The following NFIB variants were observed in gnomAD, a reference collection of about 807,000 sequenced individuals.
NFIB encodes nuclear factor 1 B-type.
Under a neutral mutation model 61.5 loss-of-function variants are expected in NFIB, and 11 were observed. The observed-to-expected ratio is 0.18, with a 90% CI of 0.11 to 0.30. NFIB has a LOEUF of 0.30. NFIB is among the 10% of genes least tolerant of loss of function. The pLI is 1.00. For missense variants in NFIB, 471 were observed against 608.9 expected (o/e 0.77, Z 2.38); for synonymous variants, 260 against 216.5 (o/e 1.20, Z -1.76).
intron 4 of NFIB, among the ~76,000 whole-genome samples, chr9:14,155,146 A>G (rs2043259364): frequency 6.6e-6 from 1 of 152,156 alleles, no homozygotes; most frequent in Non-Finnish European, 1.5e-5. Context: ...ATTAGTACAT[A>G]TAGATCTGCA....
chr9:14,506,231 G>C, the NFIB span, among the ~76,000 whole-genome samples: 2 of 152,054 alleles, frequency 1.3e-5, no homozygotes, highest in African/African-American at 4.8e-5. Context: ...TCTTAATTTT[G>C]GTTTATGCTG....
intron 2 of NFIB, among the ~76,000 whole-genome samples, chr9:14,194,564 A>C (rs1275526970): frequency 1.3e-5 from 2 of 152,230 alleles, no homozygotes; most frequent in African/African-American, 4.8e-5. Context: ...CAAAAAAGAA[A>C]AAAGACAATA....
the NFIB span, among the ~76,000 whole-genome samples, chr9:14,422,362 A>G: frequency 6.6e-6 from 1 of 152,108 alleles, no homozygotes; most frequent in Non-Finnish European, 1.5e-5. Flanking sequence ...AAAGGCCTGA[A>G]TGTCCCTGGA....
At chr9:14,356,448 G>A (rs1313826207) in intron 1 of NFIB, among the ~76,000 whole-genome samples, 4 of 152,282 alleles carry the variant, frequency 2.6e-5, no homozygotes, top group South Asian at 4.2e-4. Flanking sequence ...GTTTAGCCCT[G>A]CATGTGGCTG....
At chr9:14,235,980 A>G (rs2053696330) in intron 2 of NFIB, among the ~76,000 whole-genome samples, 1 of 152,228 alleles carries the variant, frequency 6.6e-6, no homozygotes, top group Non-Finnish European at 1.5e-5. Context: ...ATTTCCTAAA[A>G]GCAGATTTTG....
intron 3 of NFIB, among the ~76,000 whole-genome samples, chr9:14,175,931 ATTC>A (rs2046138818): frequency 6.6e-6 from 1 of 152,182 alleles, no homozygotes. Flanking sequence ...AAAAATCTGA[ATTC>A]TAGATTGCTA....
the NFIB span, among the ~76,000 whole-genome samples, chr9:14,471,316 C>A: frequency 4.6e-5 from 7 of 152,162 alleles, no homozygotes; most frequent in Non-Finnish European, 5.9e-5. Flanking sequence ...TTGCCTCCCC[C>A]CTGAGGTCAG....
rs367726231 is a variant in NFIB, at chr9:14,313,449, G to A, written c.30+33C>T. On this transcript the variant is annotated intron_variant, in intron 1 of 10. Transcript: ENST00000380953. This position sits in a 1 kb window ranked among gnomAD's most constrained non-coding sequence, Gnocchi z 4.5. The stretch of plus-strand genomic sequence containing the variant: ...CAAAACAAAGGCATTTCGGGCCAGA[G>A]AGAAAGCTCGAGAAAGCGACCGAGA... 6.6e-4 allele frequency: 1,064 copies of A among 1,613,686 alleles called. 2 individuals carry two copies. Among genetic ancestry groups the A allele is most frequent in the Admixed American group, 9.5e-4 (57 of 59,966 alleles).
chr9:14,413,646 G>C, the NFIB span, among the ~76,000 whole-genome samples: 1 of 152,036 alleles, frequency 6.6e-6, no homozygotes, highest in Non-Finnish European at 1.5e-5. Flanking sequence ...ATAGAATTTG[G>C]GAATGCTTGA....
chr9:14,107,253 G>C (rs1038003975), intron 10 of NFIB, among the ~76,000 whole-genome samples: 1 of 151,180 alleles, frequency 6.6e-6, no homozygotes. Flanking sequence ...TGAAGGAATG[G>C]TATGAACAAG....
chr9:14,168,918 T>C (rs1192941338), intron 3 of NFIB, among the ~76,000 whole-genome samples: 5 of 152,206 alleles, frequency 3.3e-5, no homozygotes, highest in African/African-American at 1.2e-4. Flanking sequence ...ATCAACATTA[T>C]ATAAGGTAAC....
chr9:14,226,938 G>A (rs10120632), intron 2 of NFIB, among the ~76,000 whole-genome samples: 7 of 151,822 alleles, frequency 4.6e-5, no homozygotes, highest in Non-Finnish European at 7.4e-5. Context: ...TCAGGAGTTC[G>A]TGACCAGCCT....
chr9:14,227,790 G>A (rs918778809), intron 2 of NFIB, among the ~76,000 whole-genome samples: 1 of 152,128 alleles, frequency 6.6e-6, no homozygotes, highest in Non-Finnish European at 1.5e-5. Flanking sequence ...AGGCCTCAAT[G>A]GGTTTAATAA....
intron 1 of NFIB, among the ~76,000 whole-genome samples, chr9:14,398,189 T>A (rs1244114185): frequency 6.6e-6 from 1 of 152,146 alleles, no homozygotes; most frequent in Non-Finnish European, 1.5e-5. Context: ...TTCTCAGTTT[T>A]CAGTTTAATT....
At chr9:14,208,442 T>C (rs2049976405) in intron 2 of NFIB, among the ~76,000 whole-genome samples, 1 of 152,218 alleles carries the variant, frequency 6.6e-6, no homozygotes, top group South Asian at 2.1e-4. Context: ...AATTACTTTA[T>C]GTCTCAAATG....
At chr9:14,507,955 G>A in the NFIB span, among the ~76,000 whole-genome samples, 1 of 142,296 alleles carries the variant, frequency 7.0e-6, no homozygotes, top group African/African-American at 2.6e-5. Context: ...CACAGACACA[G>A]ACACAGACAC....
intron 2 of NFIB, among the ~76,000 whole-genome samples, chr9:14,184,595 ATAAG>A (rs1378371103): frequency 6.6e-6 from 1 of 152,246 alleles, no homozygotes; most frequent in African/African-American, 2.4e-5. Context: ...ATGACAATAA[ATAAG>A]TAATAGCCTG....
chr9:14,502,263 A>G, the NFIB span, among the ~76,000 whole-genome samples: 13 of 152,182 alleles, frequency 8.5e-5, no homozygotes, highest in African/African-American at 3.1e-4. Context: ...ATAGCCTCAC[A>G]TATGTTTATG....
intron 10 of NFIB, among the ~76,000 whole-genome samples, chr9:14,099,496 T>G (rs944681393): frequency 6.6e-6 from 1 of 152,204 alleles, no homozygotes; most frequent in African/African-American, 2.4e-5. Flanking sequence ...AAAAGATGGA[T>G]AAAGCTATCA....
Sources: allele counts gnomAD v4.1 joint callset (sites outside exome capture counted in the v4.1 genomes callset), GRCh38; gene constraint gnomAD v4.1.1; non-coding constraint Gnocchi (gnomAD v3.1); transcripts MANE v1.5; gene names NCBI Gene and HGNC (gene_info 2026-07-23, HGNC 2026-07-21).